Variants in ELL observed in about 807,000 individuals in gnomAD.
ELL encodes RNA polymerase II elongation factor ELL.
Under a neutral mutation model 64.0 loss-of-function variants are expected in ELL, and 18 were observed. That is an observed-to-expected ratio of 0.28 (90% CI 0.19 to 0.42). ELL has a LOEUF of 0.42. ELL is among the 10% of genes least tolerant of loss of function. The pLI, the probability that ELL is intolerant of heterozygous loss-of-function variation, is 1.00. For missense variants in ELL, 797 were observed against 870.4 expected, an observed-to-expected ratio of 0.92 and a Z score of 1.06; for synonymous variants, 399 against 376.2, an observed-to-expected ratio of 1.06 and a Z score of -0.70.
At chr19:18,446,633 AT>A (rs1211623334) in intron 9 of ELL, 114 bp downstream of exon 9, 9 of 1,500,726 alleles carry the variant, frequency 6.0e-6, no homozygotes, top group Non-Finnish European at 8.2e-6. Context: ...TATGTTTGGA[AT>A]TCACATACTC....
At chr19:18,477,154 C>T (rs946917048) in intron 1 of ELL, among the ~76,000 whole-genome samples, 8 of 152,114 alleles carry the variant, frequency 5.3e-5, no homozygotes, top group Non-Finnish European at 8.8e-5. Context: ...AAGAGGAAGA[C>T]GTACGGGTAT....
chr19:18,444,950 A>C, intron 11 of ELL, 82 bp from the exon 12 acceptor site: 1 of 1,442,780 alleles, frequency 6.9e-7, no homozygotes, highest in Non-Finnish European at 9.4e-7. Flanking sequence ...GTCCCCCCCA[A>C]ACCAAAAACC....
rs748950436 is a variant in ELL, at chr19:18,472,886, T to TAAA, written c.136-7_136-5dup. The stretch of plus-strand genomic sequence containing the variant: ...ATGGCCTCAGTGAAACAGAATCCTA[T>TAAA]AAAAAAAAAAAAAAAAAAAAAAAGG... On this transcript the variant is annotated splice_region_variant and splice_polypyrimidine_tract_variant and intron_variant, in intron 1 of 11. Transcript: ENST00000262809. 3,635 of 1,211,644 alleles carry TAAA rather than the reference T, an allele frequency of 3.0e-3. 1 individual carries two copies. Among genetic ancestry groups the TAAA allele is most frequent in the South Asian group, 0.013 (718 of 54,726 alleles). 75.1% of individuals were successfully genotyped at this position (1,211,644 alleles called of 1,614,324 possible).
intron 1 of ELL, among the ~76,000 whole-genome samples, chr19:18,509,593 G>GCGCGCGCACA (rs1438642062): frequency 2.4e-5 from 2 of 83,240 alleles, no homozygotes; most frequent in African/African-American, 3.5e-5. Context: ...GCGCGCGCGC[G>GCGCGCGCACA]CACATACACA....
intron 1 of ELL, among the ~76,000 whole-genome samples, chr19:18,488,023 C>T (rs1370425605): frequency 2.6e-5 from 4 of 152,164 alleles, no homozygotes; most frequent in Non-Finnish European, 4.4e-5. Flanking sequence ...AAGTGTCCAC[C>T]GTGGTCTCTG....
chr19:18,446,039 G>A (rs981083239), intron 10 of ELL: 9 of 476,244 alleles, frequency 1.9e-5, no homozygotes, highest in South Asian at 1.1e-4. Context: ...CATGTACCCC[G>A]GCTCGCCCCC....
chr19:18,445,438 G>A, intron 10 of ELL, 170 bp from the exon 11 acceptor site: 1 of 700,648 alleles, frequency 1.4e-6, no homozygotes, highest in Non-Finnish European at 2.5e-6. Context: ...TCCGGAGTGG[G>A]TGGGGCATGA....
At chr19:18,473,855 A>C (rs1463910707) in intron 1 of ELL, among the ~76,000 whole-genome samples, 1 of 151,916 alleles carries the variant, frequency 6.6e-6, no homozygotes, top group African/African-American at 2.4e-5. Context: ...GCCCACTGAG[A>C]TGCCCTCCCA....
intron 2 of ELL, among the ~76,000 whole-genome samples, chr19:18,470,240 C>T (rs991472659): frequency 3.9e-5 from 6 of 152,392 alleles, no homozygotes; most frequent in African/African-American, 1.2e-4. Context: ...GGTCAAGGCA[C>T]ATGGCATGCT....
At chr19:18,482,044 G>C (rs1170873064) in intron 1 of ELL, among the ~76,000 whole-genome samples, 2 of 152,154 alleles carry the variant, frequency 1.3e-5, no homozygotes, top group African/African-American at 4.8e-5. Context: ...TAAAATGTCA[G>C]CCATTCTGGT....
chr19:18,507,707 C>T (rs1975913301), intron 1 of ELL, among the ~76,000 whole-genome samples: 1 of 152,186 alleles, frequency 6.6e-6, no homozygotes, highest in African/African-American at 2.4e-5. Flanking sequence ...CTGGAGGCAG[C>T]CGAACCCTCA....
chr19:18,474,012 CG>C (rs1975122250), intron 1 of ELL, among the ~76,000 whole-genome samples: 1 of 152,232 alleles, frequency 6.6e-6, no homozygotes, highest in South Asian at 2.1e-4. Flanking sequence ...TCGGAAGACC[CG>C]GGGTAAGCGG....
At chr19:18,486,283 G>A (rs1975414762) in intron 1 of ELL, among the ~76,000 whole-genome samples, 1 of 152,168 alleles carries the variant, frequency 6.6e-6, no homozygotes, top group Admixed American at 6.5e-5. Context: ...ACAGGGGCAG[G>A]AAGAGAGAGG....
At chr19:18,477,268 C>G (rs1253093023) in intron 1 of ELL, among the ~76,000 whole-genome samples, 2 of 152,104 alleles carry the variant, frequency 1.3e-5, no homozygotes, top group African/African-American at 4.8e-5. Flanking sequence ...AAAAGGGCAG[C>G]GAACTTGAAG....
chr19:18,512,925 T>C (rs373313582), intron 1 of ELL, among the ~76,000 whole-genome samples: 1 of 152,060 alleles, frequency 6.6e-6, no homozygotes, highest in Non-Finnish European at 1.5e-5. Context: ...TGTGAAAACA[T>C]TTTCACCAAC....
chr19:18,452,249 C>T (rs567124428), intron 6 of ELL, among the ~76,000 whole-genome samples: 80 of 152,270 alleles, frequency 5.3e-4, no homozygotes, highest in African/African-American at 1.8e-3. Context: ...GTTCAATTCC[C>T]GGGGGCTGTG....
intron 1 of ELL, among the ~76,000 whole-genome samples, chr19:18,489,029 G>A (rs1189041688): frequency 7.9e-5 from 12 of 152,240 alleles, no homozygotes; most frequent in Non-Finnish European, 1.2e-4. Context: ...GGGTGTGGAG[G>A]AGCCTTGCCT....
chr19:18,499,424 C>T (rs926983766), intron 1 of ELL, among the ~76,000 whole-genome samples: 2 of 152,174 alleles, frequency 1.3e-5, no homozygotes, highest in African/African-American at 2.4e-5. Context: ...CTAACATACC[C>T]GTGACCTCCA....
At position 18,521,908 on chromosome 19, in the gene ELL, C is replaced by T. The variant is rs895359435; in HGVS notation, c.135+13G>A. On this transcript the variant is annotated intron_variant, in intron 1 of 11. Coordinates refer to ENST00000262809, the MANE Select transcript of ELL (RefSeq NM_006532.4). ...ACGTTCCCCACTGGCGCGCCGGGCG[C>T]CATGCCACTCACCTGTCTGGCGCGG... The T allele has an allele frequency of 2.5e-6, 4 of 1,575,452 alleles. No homozygotes were observed. The highest frequency in any genetic ancestry group is 2.6e-6 in the Non-Finnish European group (3 of 1,161,184).
Sources: allele counts gnomAD v4.1 joint callset (sites outside exome capture counted in the v4.1 genomes callset), GRCh38; gene constraint gnomAD v4.1.1; transcripts MANE v1.5; gene names NCBI Gene and HGNC (gene_info 2026-07-23, HGNC 2026-07-21).